CRTC1: variants seen among roughly 807,000 people sequenced by gnomAD.
CRTC1 encodes the protein CREB regulated transcription coactivator 1, also known as CREB-regulated transcription coactivator 1.
A neutral mutation model predicts 66.1 loss-of-function variants in CRTC1; 18 were observed. That is an observed-to-expected ratio of 0.27 (90% CI 0.19 to 0.40). The LOEUF is 0.40. Among genes scored for constraint, CRTC1 ranks in the 10% least tolerant of loss-of-function variants. The pLI is 1.00. For missense variants in CRTC1, 669 were observed against 887.9 expected (o/e 0.75, Z 3.13); for synonymous variants, 416 against 398.8 (o/e 1.04, Z -0.51).
Position 18,727,580 on chromosome 19 carries a change from CAAAAA to C in CRTC1, c.127-15317_127-15313del, listed in dbSNP as rs60907638. On this transcript the variant is annotated intron_variant, in intron 1 of 13. Transcript: ENST00000321949. The stretch of plus-strand genomic sequence containing the variant: ...TGGGTGACAGAGCAAGACTCTGTCT[CAAAAA>C]AAAAAAAAAAAAGAAGAAGAAAGGG... Among the ~76,000 whole-genome samples the C allele has an allele frequency of 1.9e-4, 10 of 51,802 alleles. No individual in the cohort carries two copies. The East Asian group carries it at 4.7e-3, about 24-fold the overall frequency. The allele number at this position is 51,802 out of a possible 152,430, so 34.0% of individuals were successfully genotyped here. A position where few individuals can be genotyped will look rare whatever the true frequency, so the allele number is the denominator to read the frequency against.
intron 6 of CRTC1, among the ~76,000 whole-genome samples, chr19:18,758,499 T>C (rs2145799259): frequency 6.6e-6 from 1 of 152,162 alleles, no homozygotes; most frequent in South Asian, 2.1e-4. Context: ...CCCGAAAGTG[T>C]CCTGACAGTG....
chr19:18,685,322 A>C, intron 1 of CRTC1, among the ~76,000 whole-genome samples: 1 of 151,956 alleles, frequency 6.6e-6, no homozygotes, highest in Middle Eastern at 3.2e-3. Flanking sequence ...CTTGCTCAGG[A>C]TGTAGAGAAA....
rs547172290 is a variant in CRTC1 at position 18,741,687 on chromosome 19, C to G, written c.127-1223C>G. Among the ~76,000 whole-genome samples, 1 of 152,186 alleles carries G rather than the reference C, an allele frequency of 6.6e-6. No homozygotes were observed. Among genetic ancestry groups the G allele is most frequent in the East Asian group, 1.9e-4 (1 of 5,196 alleles). On this transcript the variant is annotated intron_variant, in intron 1 of 13. Coordinates refer to ENST00000321949, the MANE Select transcript of CRTC1 (RefSeq NM_015321.3). The surrounding 1 kb of genome is among the most constrained non-coding windows in gnomAD (Gnocchi z 4.2). The stretch of plus-strand genomic sequence containing the variant: ...GTGTATGTGTCTGGCCAGCGGCCAC[C>G]AAGGGCTCCCAGCACAGACCCTGGG...
chr19:18,741,730 C>T lies in CRTC1; in HGVS notation c.127-1180C>T, dbSNP rs142305014. 3.9e-3 allele frequency among the ~76,000 whole-genome samples: 597 copies of T among 152,260 alleles called. 10 individuals are homozygous for T. The highest frequency in any genetic ancestry group is 0.014 in the African/African-American group (566 of 41,548). On this transcript the variant is annotated intron_variant, in intron 1 of 13. Coordinates refer to ENST00000321949, the MANE Select transcript of CRTC1 (RefSeq NM_015321.3). This position sits in a 1 kb window ranked among gnomAD's most constrained non-coding sequence, Gnocchi z 4.2. The stretch of plus-strand genomic sequence containing the variant: ...ACCCTGGGCCTCACCCCCAGGCCCT[C>T]GAGAGCCACCCAATAACACACAAGG...
At chr19:18,710,136 C>T (rs1008316744) in intron 1 of CRTC1, among the ~76,000 whole-genome samples, 3 of 152,110 alleles carry the variant, frequency 2.0e-5, no homozygotes, top group African/African-American at 7.2e-5. Flanking sequence ...TTCCCAGCTC[C>T]AGCGTCACCT....
chr19:18,726,326 G>T (rs1259128159), intron 1 of CRTC1, among the ~76,000 whole-genome samples: 1 of 152,370 alleles, frequency 6.6e-6, no homozygotes, highest in South Asian at 2.1e-4. Context: ...GTCCCCGGGG[G>T]ACAGCAGAGG....
In CRTC1 at chr19:18,683,682, G is replaced by GGAA; in HGVS notation, c.-19_-18insAGA. The GGAA allele has an allele frequency of 7.2e-7, 1 of 1,385,206 alleles. No homozygotes were observed. The highest frequency in any genetic ancestry group is 3.4e-5 in the East Asian group (1 of 29,388). The allele number at this position is 1,385,206 out of a possible 1,614,324, so 85.8% of individuals were successfully genotyped here. A position where few individuals can be genotyped will look rare whatever the true frequency, so the allele number is the denominator to read the frequency against. On this transcript the variant is annotated 5_prime_UTR_variant, in exon 1 of 14. Coordinates refer to ENST00000321949, the MANE Select transcript of CRTC1 (RefSeq NM_015321.3). ...AGGAGGTGGAGGAGGAGGAGGAGGA[G>GGAA]GAGGAGGTGGCGGCGAGAAGATGGC...
intron 1 of CRTC1, among the ~76,000 whole-genome samples, chr19:18,706,568 TAGTTA>T (rs1222280810): frequency 6.6e-6 from 1 of 152,192 alleles, no homozygotes; most frequent in African/African-American, 2.4e-5. Context: ...TGTAGCTTTG[TAGTTA>T]AGTTTTGAGA....
rs2055006876 is a variant in CRTC1 at position 18,777,126 on chromosome 19, G to A, written c.1694-45G>A. The A allele has an allele frequency of 1.8e-6, 2 of 1,108,238 alleles. No homozygotes were observed. Among genetic ancestry groups the A allele is most frequent in the Non-Finnish European group, 2.7e-6 (2 of 734,186 alleles). 68.7% of individuals were successfully genotyped at this position (1,108,238 alleles called of 1,614,324 possible). ...GTCCGACACATGGATGCGAGCGATGGAGCCAGGGCTAAGCAGTGCCTTTTG... is the reference window on the plus strand; with the variant it reads ...GTCCGACACATGGATGCGAGCGATGAAGCCAGGGCTAAGCAGTGCCTTTTG... On this transcript the variant is annotated intron_variant, in intron 13 of 13. Coordinates refer to ENST00000321949, the MANE Select transcript of CRTC1 (RefSeq NM_015321.3). The surrounding 1 kb of genome is among the most constrained non-coding windows in gnomAD (Gnocchi z 5.5).
intron 1 of CRTC1, among the ~76,000 whole-genome samples, chr19:18,712,376 A>G (rs149920231): frequency 1.5e-3 from 226 of 152,142 alleles, no homozygotes; most frequent in Non-Finnish European, 2.5e-3. Context: ...CTCCCACCTC[A>G]GCCTTCCTGG....
rs897815944 is a variant in CRTC1 at position 18,760,759 on chromosome 19, C to T, written c.886+531C>T. 1.3e-5 allele frequency among the ~76,000 whole-genome samples: 2 copies of T among 152,044 alleles called. No individual in the cohort carries two copies. Among genetic ancestry groups the T allele is most frequent in the South Asian group, 2.1e-4 (1 of 4,830 alleles). ...TCCCAATAGCTCCTGGCGCTGCTGC[C>T]GCCCTGCTCCCCCGGGACCCCCCTC... On this transcript the variant is annotated intron_variant, in intron 8 of 13. Coordinates refer to ENST00000321949, the MANE Select transcript of CRTC1 (RefSeq NM_015321.3). This position sits in a 1 kb window ranked among gnomAD's most constrained non-coding sequence, Gnocchi z 6.2.
Position 18,768,558 on chromosome 19 carries a change from A to G in CRTC1, c.1085A>G (p.Gln362Arg). Reference protein sequence around the residue: ...YAFFTQAGSQQPPPQPQPPPP... With the variant: ...YAFFTQAGSQRPPPQPQPPPP... ...TTCTTCACCCAGGCGGGCTCCCAGCAGCCACCGCCGCAGCCCCAGCCCCCG... is the reference window on the plus strand; with the variant it reads ...TTCTTCACCCAGGCGGGCTCCCAGCGGCCACCGCCGCAGCCCCAGCCCCCG... The change falls in exon 10 of 14, where the codon CAG becomes CGG. Residue 362 changes from glutamine to arginine, a missense_variant. Physicochemically the swap from Gln to Arg is conservative, Grantham distance 43. Around this residue, in one of 8 missense-constraint regions of CRTC1, gnomAD observed 241 missense variants for 242.2 expected, o/e 0.99. Transcript: ENST00000321949. The surrounding 1 kb of genome is among the most constrained non-coding windows in gnomAD (Gnocchi z 5.6). The G allele has an allele frequency of 6.2e-7, 1 of 1,602,188 alleles. No homozygotes were observed. Among genetic ancestry groups the G allele is most frequent in the Non-Finnish European group, 8.5e-7 (1 of 1,175,746 alleles).
chr19:18,733,113 G>C (rs566124202), intron 1 of CRTC1, among the ~76,000 whole-genome samples: 3 of 152,026 alleles, frequency 2.0e-5, no homozygotes, highest in Admixed American at 2.0e-4. Context: ...GATGACAAGA[G>C]ACAGCCCTCC....
At chr19:18,759,413 G>A (rs1267818224) in intron 6 of CRTC1, 138 bp from the exon 7 acceptor site, 15 of 865,248 alleles carry the variant, frequency 1.7e-5, no homozygotes, top group East Asian at 8.3e-5. Context: ...GGGGCTCTGC[G>A]GCCCCAGCAA....
intron 1 of CRTC1, among the ~76,000 whole-genome samples, chr19:18,732,976 A>G (rs185164529): frequency 6.6e-6 from 1 of 151,868 alleles, no homozygotes; most frequent in African/African-American, 2.4e-5. Context: ...AGTCCCAACT[A>G]CTCGGGAGGC....
chr19:18,772,216 C>T (rs749263249), intron 11 of CRTC1, among the ~76,000 whole-genome samples: 2 of 152,202 alleles, frequency 1.3e-5, no homozygotes, highest in Admixed American at 6.5e-5. Context: ...AATGCCCCTT[C>T]GTTCTGCCTG....
At chr19:18,693,775 C>T (rs1259578570) in intron 1 of CRTC1, among the ~76,000 whole-genome samples, 5 of 151,900 alleles carry the variant, frequency 3.3e-5, no homozygotes, top group Admixed American at 6.6e-5. Context: ...CCACCATTCC[C>T]GGCCCGCTTA....
At chr19:18,723,739 C>T (rs886219976) in intron 1 of CRTC1, among the ~76,000 whole-genome samples, 2 of 152,196 alleles carry the variant, frequency 1.3e-5, no homozygotes, top group Non-Finnish European at 2.9e-5. Context: ...CTATGTGTTT[C>T]GATGTGGTCA....
intron 1 of CRTC1, among the ~76,000 whole-genome samples, chr19:18,725,867 G>A (rs369872752): frequency 1.6e-4 from 25 of 152,320 alleles, no homozygotes; most frequent in South Asian, 1.2e-3. Flanking sequence ...CGTGTGTCGC[G>A]CTTCCGGGGC....
Sources: gnomAD v4.1 joint callset for allele counts (sites outside exome capture counted in the v4.1 genomes callset) on GRCh38, gnomAD v4.1.1 for gene constraint, gnomAD v4.1.1 regional missense constraint, Gnocchi (gnomAD v3.1) non-coding constraint, MANE v1.5 for transcripts, NCBI Gene and HGNC (gene_info 2026-07-23, HGNC 2026-07-21) for gene names.